Variants in LUC7L2 observed in about 807,000 individuals in gnomAD.
LUC7L2 encodes LUC7 like 2, pre-mRNA splicing factor.
Under a neutral mutation model 52.8 loss-of-function variants are expected in LUC7L2, and 25 were observed. That is an observed-to-expected ratio of 0.47 (90% CI 0.34 to 0.66). LUC7L2 has a LOEUF of 0.66. Ranked by LOEUF, LUC7L2 falls within the 30% of genes least tolerant of loss-of-function variation. LUC7L2 has a pLI of 0.01. For missense variants in LUC7L2, 328 were observed against 497.8 expected (o/e 0.66, Z 3.25); for synonymous variants, 144 against 160.9 (o/e 0.89, Z 0.80).
rs112300470 is a variant in LUC7L2, at chr7:139,382,380, CTTTA to C, written c.156+6240_156+6243del. 2.3e-3 allele frequency among the ~76,000 whole-genome samples: 347 copies of C among 151,118 alleles called. 4 individuals carry two copies. The highest frequency in any genetic ancestry group is 7.6e-3 in the African/African-American group (312 of 40,936). ...TTGGGGACTTTGATATTGTCACAGT[CTTTA>C]TTTATTTATTTATTTTTTGAGACAG... On this transcript the variant is annotated intron_variant, in intron 2 of 9. Coordinates refer to ENST00000354926, the MANE Select transcript of LUC7L2 (RefSeq NM_016019.5).
At chr7:139,379,549 CTTTTTTTTTTTTTTTTTTTTTTTTTTT>C (rs539771697) in intron 2 of LUC7L2, among the ~76,000 whole-genome samples, 13 of 52,724 alleles carry the variant, frequency 2.5e-4, no homozygotes, top group Non-Finnish European at 3.8e-4. Flanking sequence ...ATAACTAATG[CTTTTTTTTTTTTTTTTTTTTTTTTTTT>C]TTTTTTTTTT....
In LUC7L2 at chr7:139,422,176, A is replaced by G; in HGVS notation, c.1015A>G (p.Arg339Gly). 1.3e-6 allele frequency: 2 copies of G among 1,591,956 alleles called. No homozygotes were observed. Among genetic ancestry groups the G allele is most frequent in the Non-Finnish European group, 1.7e-6 (2 of 1,174,426 alleles). The change falls in exon 10 of 10, where the codon AGA (arginine) becomes GGA (glycine). Residue 339 changes from arginine to glycine, a missense_variant. Transcript: ENST00000354926. Reference protein sequence around the residue: ...ERSKRRSSKERFRDQDLASCD... With the variant: ...ERSKRRSSKEGFRDQDLASCD... ...AATATTTTTCAGATCCTCAAAAGAA[A>G]GATTCAGAGACCAAGACTTAGCATC... is the stretch of plus-strand genomic sequence containing the variant.
At chr7:139,379,749 A>T (rs1314936420) in intron 2 of LUC7L2, among the ~76,000 whole-genome samples, 5 of 151,316 alleles carry the variant, frequency 3.3e-5, no homozygotes, top group African/African-American at 1.2e-4. Context: ...CATTTTTAGT[A>T]GAGACAGGGT....
rs551677446 is a variant in LUC7L2 at position 139,413,634 on chromosome 7, C to T, written c.809+1054C>T. 1.6e-4 allele frequency among the ~76,000 whole-genome samples: 25 copies of T among 152,072 alleles called. 1 individual carries two copies. The South Asian group carries it at 4.2e-3, about 25-fold the overall frequency. ...CTCTACTAAAAACACAAAAATTAGC[C>T]GGGTGTGGTGGCAGGTGCCTGTAAT... On this transcript the variant is annotated intron_variant, in intron 8 of 9. Transcript: ENST00000354926.
chr7:139,417,613 A>G lies in LUC7L2; in HGVS notation c.885A>G (p.Lys295=), dbSNP rs1474083774. Reference sequence around the variant, plus strand: ...AACGCAAGAGGAGAACTCGATCCAAATCTCGGGAGAAACGCCATCGCCACA... The same window carrying G: ...AACGCAAGAGGAGAACTCGATCCAAGTCTCGGGAGAAACGCCATCGCCACA... ...SRERKRRTRS[K]SREKRHRHRS... The change falls in exon 9 of 10, where the codon AAA becomes AAG. Residue 295 remains lysine, a synonymous_variant. Transcript: ENST00000354926. 1.9e-6 allele frequency: 3 copies of G among 1,614,014 alleles called. No individual in the cohort carries two copies. The highest frequency in any genetic ancestry group is 1.3e-5 in the African/African-American group (1 of 74,886).
upstream of LUC7L2, among the ~76,000 whole-genome samples, chr7:139,358,476 T>G (rs1799689965): frequency 8.1e-6 from 1 of 122,710 alleles, no homozygotes; most frequent in Admixed American, 7.1e-5. Context: ...ACATTTGATT[T>G]TATTAACTCA....
intron 1 of LUC7L2, among the ~76,000 whole-genome samples, chr7:139,362,388 CT>C (rs1191673112): frequency 6.6e-6 from 1 of 151,244 alleles, no homozygotes; most frequent in Non-Finnish European, 1.5e-5. Flanking sequence ...TAGGATTGTT[CT>C]TTTTTAGCAT....
intron 1 of LUC7L2, among the ~76,000 whole-genome samples, chr7:139,367,669 C>CTA (rs1800233781): frequency 2.0e-5 from 3 of 152,146 alleles, no homozygotes; most frequent in Non-Finnish European, 2.9e-5. Flanking sequence ...GCTGTTTGAA[C>CTA]TATATATATA....
chr7:139,407,418 A>G, intron 6 of LUC7L2, 68 bp downstream of exon 6: 1 of 1,500,644 alleles, frequency 6.7e-7, no homozygotes, highest in African/African-American at 1.4e-5. Flanking sequence ...GCCTTTTTGT[A>G]CAATATTCTT....
intron 1 of LUC7L2, among the ~76,000 whole-genome samples, chr7:139,354,455 G>A (rs924354316): frequency 3.3e-5 from 5 of 152,160 alleles, no homozygotes; most frequent in African/African-American, 4.8e-5. Context: ...TCCGCCTTCC[G>A]GGTTCAAGCG....
intron 7 of LUC7L2, among the ~76,000 whole-genome samples, chr7:139,410,205 CAAA>C (rs530744677): frequency 7.7e-6 from 1 of 129,506 alleles, no homozygotes. Context: ...GACTCTGTCT[CAAA>C]AAAAAAAAAA....
At chr7:139,378,176 A>G (rs905084795) in intron 2 of LUC7L2, among the ~76,000 whole-genome samples, 4 of 152,132 alleles carry the variant, frequency 2.6e-5, no homozygotes, top group African/African-American at 9.7e-5. Context: ...ACCGTGTGCT[A>G]TGCTGCATCT....
chr7:139,417,664 C>CAGCCGT lies in LUC7L2; in HGVS notation c.941_946dup (p.Arg314_Ser315dup), dbSNP rs1569396845. The CAGCCGT allele has an allele frequency of 6.2e-7, 1 of 1,614,136 alleles. No homozygotes were observed. Among genetic ancestry groups the CAGCCGT allele is most frequent in the Non-Finnish European group, 8.5e-7 (1 of 1,180,030 alleles). On this transcript the variant is annotated inframe_insertion, in exon 9 of 10. Transcript: ENST00000354926. ...GGTCCCGCTCCAGCAGCCGTAGCCGCAGCCGTAGCCACCAGAGAAGTCGGC... is the reference window on the plus strand; with the variant it reads ...GGTCCCGCTCCAGCAGCCGTAGCCGCAGCCGTAGCCGTAGCCACCAGAGAAGTCGGC...
chr7:139,363,151 C>G, intron 1 of LUC7L2: 1 of 956,372 alleles, frequency 1.0e-6, no homozygotes, highest in Non-Finnish European at 1.2e-6. Flanking sequence ...AAGACAAACT[C>G]TGCCTTCTTT....
chr7:139,348,717 C>CA lies in LUC7L2; in HGVS notation c.-26+8212dup, dbSNP rs747700418. On this transcript the variant is annotated intron_variant, in intron 1 of 10. Coordinates refer to the LUC7L2 transcript ENST00000541170. ...CTGGTGACAGAGCGAGACTCCGTCT[C>CA]AAAAAAAAAAAATATTTATATTATG... is the stretch of plus-strand genomic sequence containing the variant. Among the ~76,000 whole-genome samples the CA allele has an allele frequency of 6.9e-3, 975 of 140,376 alleles. 7 individuals are homozygous for CA. The highest frequency in any genetic ancestry group is 0.019 in the Middle Eastern group (5 of 270). The allele number at this position is 140,376 out of a possible 152,430, so 92.1% of individuals were successfully genotyped here.
intron 9 of LUC7L2, 152 bp downstream of exon 9, chr7:139,417,881 T>G (rs1795697834): frequency 8.7e-7 from 1 of 1,144,758 alleles, no homozygotes; most frequent in Non-Finnish European, 1.2e-6. Flanking sequence ...GTGTACAACA[T>G]TTTTCTGTGA....
chr7:139,419,092 AGAGC>A (rs1795760923), intron 9 of LUC7L2, among the ~76,000 whole-genome samples: 1 of 151,780 alleles, frequency 6.6e-6, no homozygotes, highest in South Asian at 2.1e-4. Flanking sequence ...CCTGGGTGAC[AGAGC>A]GAGACTCCAG....
chr7:139,361,593 A>G (rs760564449), intron 1 of LUC7L2, among the ~76,000 whole-genome samples: 2 of 151,070 alleles, frequency 1.3e-5, no homozygotes, highest in Non-Finnish European at 3.0e-5. Context: ...GTAGATGGCA[A>G]ACCTACTTGT....
intron 9 of LUC7L2, among the ~76,000 whole-genome samples, chr7:139,420,004 C>G (rs1795815487): frequency 6.6e-6 from 1 of 151,918 alleles, no homozygotes; most frequent in South Asian, 2.1e-4. Context: ...TATTGAAAGC[C>G]TTTTATGTTT....
Sources: allele counts gnomAD v4.1 joint callset (sites outside exome capture counted in the v4.1 genomes callset), GRCh38; gene constraint gnomAD v4.1.1; transcripts MANE v1.5; gene names NCBI Gene and HGNC (gene_info 2026-07-23, HGNC 2026-07-21).